CABIN1: variants seen among roughly 807,000 people sequenced by gnomAD.
CABIN1 encodes calcineurin binding protein 1, also known as calcineurin-binding protein cabin-1.
Under a neutral mutation model 227.7 loss-of-function variants are expected in CABIN1, and 133 were observed. The observed-to-expected ratio is 0.58, with a 90% CI of 0.51 to 0.67. The LOEUF (loss-of-function observed/expected upper bound fraction) is 0.67, where lower values mean the gene tolerates loss of function less well. Ranked by LOEUF, CABIN1 falls within the 30% of genes least tolerant of loss-of-function variation. The pLI is 0.00. For missense variants in CABIN1, 2,408 were observed against 2,852.5 expected, an observed-to-expected ratio of 0.84 and a Z score of 3.55; for synonymous variants, 1,086 against 1,155.1, an observed-to-expected ratio of 0.94 and a Z score of 1.21.
At chr22:24,084,931 A>G (rs1297151012) in intron 21 of CABIN1, 75 bp from the exon 22 acceptor site, 13 of 1,596,932 alleles carry the variant, frequency 8.1e-6, no homozygotes, top group Non-Finnish European at 1.0e-5. Flanking sequence ...CCTGTGACTA[A>G]ACAGTCCTGG....
chr22:24,177,636 A>G lies in CABIN1; in HGVS notation c.6338A>G (p.Glu2113Gly), dbSNP rs748245106. The G allele has an allele frequency of 6.2e-7, 1 of 1,613,516 alleles. No homozygotes were observed. The highest frequency in any genetic ancestry group is 8.5e-7 in the Non-Finnish European group (1 of 1,179,798). Reference protein sequence around the residue: ...APSSGSAQPPEGHPGKPEPSR... With the variant: ...APSSGSAQPPGGHPGKPEPSR... The stretch of plus-strand genomic sequence containing the variant: ...AGCAGTGGGAGTGCCCAGCCACCAG[A>G]GGGTCACCCAGGCAAGCCTGAGCCC... Residue 2113 changes from glutamate (E) to glycine (G), a missense_variant, in exon 36 of 37, where the codon GAG becomes GGG. Physicochemically the swap from Glu to Gly is moderately conservative, Grantham distance 98. This residue lies in a region of CABIN1 where 714 missense variants were observed against 773.8 expected (regional missense o/e 0.92). Coordinates refer to ENST00000263119, the MANE Select transcript of CABIN1 (RefSeq NM_012295.4). The surrounding 1 kb of genome is among the most constrained non-coding windows in gnomAD (Gnocchi z 4.4).
In CABIN1 at chr22:24,030,139, G is replaced by A. The variant is rs76148257; in HGVS notation, c.-74-5305G>A. ...TGCATAAGTGATGGCCCAACAGCCT[G>A]AGCAAATACAATTTATTCTATGGCC... On this transcript the variant is annotated intron_variant, in intron 1 of 36. Coordinates refer to ENST00000263119, the MANE Select transcript of CABIN1 (RefSeq NM_012295.4). 6.4e-3 allele frequency among the ~76,000 whole-genome samples: 968 copies of A among 152,306 alleles called. 11 individuals carry two copies. Among genetic ancestry groups the A allele is most frequent in the African/African-American group, 0.023 (940 of 41,550 alleles).
At chr22:24,148,745 TC>T (rs1316306008) in intron 29 of CABIN1, among the ~76,000 whole-genome samples, 2 of 152,200 alleles carry the variant, frequency 1.3e-5, no homozygotes, top group African/African-American at 4.8e-5. Flanking sequence ...GGGCAGCTGT[TC>T]CAGCAGAGGC....
At chr22:24,144,499 G>A (rs2044984827) in intron 29 of CABIN1, among the ~76,000 whole-genome samples, 1 of 152,236 alleles carries the variant, frequency 6.6e-6, no homozygotes, top group African/African-American at 2.4e-5. Context: ...GAGATGATCA[G>A]GTAAACAGAG....
At chr22:24,091,384 G>T (rs1220548291) in intron 23 of CABIN1, among the ~76,000 whole-genome samples, 199 bp from the exon 24 acceptor site, 2 of 152,180 alleles carry the variant, frequency 1.3e-5, no homozygotes, top group Non-Finnish European at 2.9e-5. Flanking sequence ...GCCTTGCTTG[G>T]TGGGCGCTTT....
In CABIN1 at chr22:24,019,538, A is replaced by C. The variant is rs557474649; in HGVS notation, c.-75+8171A>C. Among the ~76,000 whole-genome samples the C allele has an allele frequency of 6.4e-4, 97 of 150,982 alleles. 1 individual carries two copies. Among genetic ancestry groups the C allele is most frequent in the Admixed American group, 6.3e-3 (95 of 15,190 alleles). ...GCAGAGCACTGGGATTACAGGCATG[A>C]GCCACCATGCCCCGCCTGCTGAGTT... On this transcript the variant is annotated intron_variant, in intron 1 of 36. Transcript: ENST00000263119.
At chr22:24,169,551 C>T (rs532969978) in intron 33 of CABIN1, among the ~76,000 whole-genome samples, 9 of 152,312 alleles carry the variant, frequency 5.9e-5, no homozygotes, top group South Asian at 4.1e-4. Flanking sequence ...CAGCTAAGGG[C>T]CAGAGTCCTT....
At chr22:24,156,232 C>A (rs1042092101) in intron 29 of CABIN1, among the ~76,000 whole-genome samples, 1 of 152,104 alleles carries the variant, frequency 6.6e-6, no homozygotes, top group African/African-American at 2.4e-5. Flanking sequence ...GGCCGCCCCC[C>A]GCCTCGGCGC....
intron 26 of CABIN1, among the ~76,000 whole-genome samples, chr22:24,098,815 A>G (rs2042045422): frequency 6.6e-6 from 1 of 152,116 alleles, no homozygotes; most frequent in East Asian, 1.9e-4. Flanking sequence ...TCTCATTTTT[A>G]TAGTGATAAG....
chr22:24,060,741 A>G (rs1225966522), intron 12 of CABIN1, among the ~76,000 whole-genome samples: 2 of 151,920 alleles, frequency 1.3e-5, no homozygotes, highest in Non-Finnish European at 2.9e-5. Flanking sequence ...CCTTCAAAGT[A>G]GCTGGAACCA....
chr22:24,041,652 A>G (rs1345717876), intron 5 of CABIN1, among the ~76,000 whole-genome samples: 1 of 152,244 alleles, frequency 6.6e-6, no homozygotes, highest in East Asian at 1.9e-4. Flanking sequence ...AGTATCAAAA[A>G]CAAAGTCTGA....
In CABIN1 at chr22:24,171,955, C is replaced by T. The variant is rs1288990215; in HGVS notation, c.6000C>T (p.His2000=). ...AGGACCCTGGGCCTCCCCGGCCACA[C>T]AGGCCTGAAGCTACCCCCAGCATGG... ...QSKDPGPPRP[H]RPEATPSMAS... The change falls in exon 34 of 37, where the codon CAC becomes CAT. Residue 2000 remains histidine, a synonymous_variant. Transcript: ENST00000263119. 14 of 1,613,480 alleles carry T rather than the reference C, an allele frequency of 8.7e-6. No homozygotes were observed. Among genetic ancestry groups the T allele is most frequent in the Non-Finnish European group, 1.2e-5 (14 of 1,180,028 alleles).
At chr22:24,135,198 C>T (rs2044320580) in intron 29 of CABIN1, among the ~76,000 whole-genome samples, 1 of 152,038 alleles carries the variant, frequency 6.6e-6, no homozygotes, top group South Asian at 2.1e-4. Context: ...CAAGACCAGC[C>T]TGGCCAACAT....
At chr22:24,120,084 G>A (rs1057326289) in intron 28 of CABIN1, among the ~76,000 whole-genome samples, 13 of 152,180 alleles carry the variant, frequency 8.5e-5, no homozygotes, top group African/African-American at 2.7e-4. Context: ...CAGCAAGCCC[G>A]TCTTCCAGGT....
At chr22:24,037,596 T>A (rs996221424) in intron 3 of CABIN1, among the ~76,000 whole-genome samples, 7 of 152,172 alleles carry the variant, frequency 4.6e-5, no homozygotes, top group African/African-American at 1.7e-4. Flanking sequence ...GTGCCTGGCC[T>A]GCAATGGAAA....
chr22:24,041,338 T>A, intron 5 of CABIN1, 65 bp downstream of exon 5: 1 of 1,603,856 alleles, frequency 6.2e-7, no homozygotes, highest in Non-Finnish European at 8.5e-7. Context: ...GGGATGAGGT[T>A]GCGGTCTTGT....
intron 24 of CABIN1, among the ~76,000 whole-genome samples, chr22:24,094,823 CAAAA>C (rs201624847): frequency 1.3e-5 from 1 of 78,376 alleles, no homozygotes; most frequent in Non-Finnish European, 2.9e-5. Flanking sequence ...GACTCCGTCT[CAAAA>C]AAAAAAAAAA....
chr22:24,038,544 C>T, intron 4 of CABIN1, 83 bp downstream of exon 4: 1 of 941,160 alleles, frequency 1.1e-6, no homozygotes, highest in Non-Finnish European at 1.7e-6. Context: ...CTTACCTCTG[C>T]TCTCCCATTT....
intron 28 of CABIN1, among the ~76,000 whole-genome samples, chr22:24,123,859 A>C (rs529995033): frequency 6.6e-6 from 1 of 152,210 alleles, no homozygotes; most frequent in Non-Finnish European, 1.5e-5. Flanking sequence ...TCTTGTTGCC[A>C]TCTCACAGCT....
Sources: allele counts gnomAD v4.1 joint callset (sites outside exome capture counted in the v4.1 genomes callset), GRCh38; gene constraint gnomAD v4.1.1; regional missense constraint gnomAD v4.1.1; non-coding constraint Gnocchi (gnomAD v3.1); transcripts MANE v1.5; gene names NCBI Gene and HGNC (gene_info 2026-07-23, HGNC 2026-07-21).